The following DENND1A variants were observed in gnomAD, a reference collection of about 807,000 sequenced individuals.
DENND1A encodes the protein DENN domain containing 1A.
DENND1A carries 51 observed loss-of-function variants against 113.7 expected under a neutral mutation model. The observed-to-expected ratio is 0.45, with a 90% CI of 0.36 to 0.57. The LOEUF is 0.57. Among genes scored for constraint, DENND1A ranks in the 20% least tolerant of loss-of-function variants. The pLI, the probability that DENND1A is intolerant of heterozygous loss-of-function variation, is 0.00. For missense variants in DENND1A, 1,258 were observed against 1,395.9 expected, an observed-to-expected ratio of 0.90 and a Z score of 1.57; for synonymous variants, 565 against 570.8, an observed-to-expected ratio of 0.99 and a Z score of 0.14.
intron 9 of DENND1A, among the ~76,000 whole-genome samples, chr9:123,646,185 T>C (rs2062314418): frequency 6.6e-6 from 1 of 152,214 alleles, no homozygotes; most frequent in African/African-American, 2.4e-5. Flanking sequence ...CTGAGAGCTA[T>C]GCAAGTATTA....
intron 2 of DENND1A, among the ~76,000 whole-genome samples, chr9:123,858,303 C>A (rs761409251): frequency 6.6e-6 from 1 of 152,194 alleles, no homozygotes; most frequent in Non-Finnish European, 1.5e-5. Context: ...AGGTTGAGAT[C>A]AGTAACTTAT....
chr9:123,426,741 G>T (rs1239625034), intron 19 of DENND1A, among the ~76,000 whole-genome samples: 2 of 152,208 alleles, frequency 1.3e-5, no homozygotes, highest in Non-Finnish European at 1.5e-5. Flanking sequence ...TTGCACCAAA[G>T]AAATTATTTA....
chr9:123,575,174 G>T (rs2058568065), intron 12 of DENND1A, among the ~76,000 whole-genome samples: 1 of 152,178 alleles, frequency 6.6e-6, no homozygotes, highest in South Asian at 2.1e-4. Context: ...TGCAAGGGAG[G>T]ATGGTTTTGG....
At chr9:123,789,502 T>C (rs1410796343) in intron 3 of DENND1A, among the ~76,000 whole-genome samples, 1 of 152,108 alleles carries the variant, frequency 6.6e-6, no homozygotes, top group Admixed American at 6.6e-5. Flanking sequence ...TTTATTCTGC[T>C]TCTAAACGAG....
chr9:123,509,672 T>A (rs1564623196), intron 13 of DENND1A, among the ~76,000 whole-genome samples: 1 of 152,196 alleles, frequency 6.6e-6, no homozygotes. Context: ...ATGAGAGCTT[T>A]CCAATTCTCC....
At chr9:123,538,520 T>C (rs1390330533) in intron 13 of DENND1A, among the ~76,000 whole-genome samples, 1 of 151,986 alleles carries the variant, frequency 6.6e-6, no homozygotes, top group Non-Finnish European at 1.5e-5. Flanking sequence ...GAACCTCTTG[T>C]AATATCAGAT....
At chr9:123,806,800 A>G (rs573902090) in intron 2 of DENND1A, among the ~76,000 whole-genome samples, 7 of 152,282 alleles carry the variant, frequency 4.6e-5, no homozygotes, top group Admixed American at 1.3e-4. Context: ...TAAATACTGA[A>G]TGAAAAAAAG....
chr9:123,457,778 C>G lies in DENND1A; in HGVS notation c.1098+15G>C. 6.3e-7 allele frequency: 1 copy of G among 1,599,570 alleles called. No homozygotes were observed. Among genetic ancestry groups the G allele is most frequent in the Non-Finnish European group, 8.5e-7 (1 of 1,173,156 alleles). ...CCAGGGAGCCAGACCCAGGCCAGAC[C>G]AGGGAGGGAGGCACCTGCTTGAAGA... On this transcript the variant is annotated intron_variant, in intron 14 of 23. Coordinates refer to ENST00000394215, the MANE Select transcript of DENND1A (RefSeq NM_001352964.2).
intron 5 of DENND1A, among the ~76,000 whole-genome samples, chr9:123,697,359 A>G (rs1366781406): frequency 6.6e-6 from 1 of 152,114 alleles, no homozygotes; most frequent in East Asian, 1.9e-4. Flanking sequence ...TCTTTCTCCA[A>G]CTTTTTTGTT....
At chr9:123,508,459 G>C (rs1402908690) in intron 13 of DENND1A, among the ~76,000 whole-genome samples, 1 of 152,138 alleles carries the variant, frequency 6.6e-6, no homozygotes, top group Non-Finnish European at 1.5e-5. Flanking sequence ...GTAATAAAAT[G>C]AGCTGTTTCT....
chr9:123,842,535 G>A (rs2132991421), intron 2 of DENND1A, among the ~76,000 whole-genome samples: 1 of 151,664 alleles, frequency 6.6e-6, no homozygotes, highest in Non-Finnish European at 1.5e-5. Flanking sequence ...TATATGAAAT[G>A]GACAAATCTC....
At chr9:123,680,421 G>A (rs1360840360) in intron 5 of DENND1A, among the ~76,000 whole-genome samples, 1 of 152,252 alleles carries the variant, frequency 6.6e-6, no homozygotes, top group Non-Finnish European at 1.5e-5. Context: ...AGGTTCTAAA[G>A]ACAGCACTTA....
chr9:123,461,582 AG>A (rs2048527448), intron 13 of DENND1A, among the ~76,000 whole-genome samples: 1 of 152,256 alleles, frequency 6.6e-6, no homozygotes, highest in African/African-American at 2.4e-5. Flanking sequence ...CAGGGTTGCC[AG>A]GAAGAAGTCT....
At chr9:123,708,209 G>A (rs753231857) in intron 5 of DENND1A, among the ~76,000 whole-genome samples, 6 of 152,054 alleles carry the variant, frequency 3.9e-5, no homozygotes, top group African/African-American at 9.7e-5. Context: ...GTTTGAATGC[G>A]AATGGTCATA....
intron 2 of DENND1A, among the ~76,000 whole-genome samples, chr9:123,805,472 C>T (rs967703798): frequency 2.0e-5 from 3 of 148,962 alleles, no homozygotes; most frequent in Admixed American, 6.7e-5. Context: ...CTCACTCTGT[C>T]ACCCAAGATG....
intron 3 of DENND1A, among the ~76,000 whole-genome samples, chr9:123,788,222 G>C (rs1832486919): frequency 6.6e-6 from 1 of 152,092 alleles, no homozygotes; most frequent in Non-Finnish European, 1.5e-5. Context: ...TTTCAAAACG[G>C]TATGTGTAAT....
intron 11 of DENND1A, among the ~76,000 whole-genome samples, chr9:123,597,659 G>A (rs2059756108): frequency 6.6e-6 from 1 of 152,108 alleles, no homozygotes; most frequent in South Asian, 2.1e-4. Flanking sequence ...GTGAGAAAGT[G>A]CACCCCTCCT....
intron 9 of DENND1A, among the ~76,000 whole-genome samples, chr9:123,644,535 A>C (rs1194729878): frequency 1.3e-5 from 2 of 151,136 alleles, no homozygotes; most frequent in Non-Finnish European, 3.0e-5. Context: ...AAATTCCTTT[A>C]GTGGGGTGGC....
chr9:123,800,199 C>T (rs906425359), intron 2 of DENND1A, among the ~76,000 whole-genome samples: 1 of 152,186 alleles, frequency 6.6e-6, no homozygotes, highest in Non-Finnish European at 1.5e-5. Flanking sequence ...AGGGACTCCC[C>T]CAGATTTACA....
Sources: gnomAD v4.1 joint callset for allele counts (sites outside exome capture counted in the v4.1 genomes callset) on GRCh38, gnomAD v4.1.1 for gene constraint, MANE v1.5 for transcripts, NCBI Gene and HGNC (gene_info 2026-07-23, HGNC 2026-07-21) for gene names.